The following RABGAP1L variants were observed in gnomAD, a reference collection of about 807,000 sequenced individuals.
RABGAP1L encodes the protein RAB GTPase activating protein 1 like.
A neutral mutation model predicts 137.7 loss-of-function variants in RABGAP1L; 63 were observed. The ratio of observed to expected loss-of-function variants is 0.46; its 90% confidence interval spans 0.37 to 0.56. The LOEUF (loss-of-function observed/expected upper bound fraction) is 0.56, where lower values mean the gene tolerates loss of function less well. Among genes scored for constraint, RABGAP1L ranks in the 20% least tolerant of loss-of-function variants. The pLI, the probability that RABGAP1L is intolerant of heterozygous loss-of-function variation, is 0.00. For missense variants in RABGAP1L, 1,095 were observed against 1,244.0 expected (o/e 0.88, Z 1.80); for synonymous variants, 431 against 433.7 (o/e 0.99, Z 0.08).
At chr1:174,624,544 G>T (rs1162375625) in intron 13 of RABGAP1L, among the ~76,000 whole-genome samples, 5 of 152,014 alleles carry the variant, frequency 3.3e-5, no homozygotes, top group African/African-American at 1.2e-4. Context: ...TTGCAAGTAG[G>T]AGTATATTAT....
rs190307303 is a variant in RABGAP1L at position 174,931,378 on chromosome 1, A to G, written c.2341-26079A>G. Among the ~76,000 whole-genome samples, 430 of 152,276 alleles carry G rather than the reference A, an allele frequency of 2.8e-3. 4 individuals carry two copies. Among genetic ancestry groups the G allele is most frequent in the African/African-American group, 9.9e-3 (412 of 41,572 alleles). On this transcript the variant is annotated intron_variant, in intron 19 of 25. Transcript: ENST00000681986. Reference sequence around the variant, plus strand: ...GGGAAGTCATTCCTTATGACTTCCAATAGATAATGCTTTGTTTCACTGATC... The same window carrying G: ...GGGAAGTCATTCCTTATGACTTCCAGTAGATAATGCTTTGTTTCACTGATC...
chr1:174,319,674 GTTGTAGGTCT>G (rs1679762290), intron 11 of RABGAP1L, among the ~76,000 whole-genome samples: 1 of 152,138 alleles, frequency 6.6e-6, no homozygotes, highest in African/African-American at 2.4e-5. Context: ...GAAGATGTTA[GTTGTAGGTCT>G]TTGTAGGTGT....
intron 19 of RABGAP1L, among the ~76,000 whole-genome samples, chr1:174,923,858 G>T (rs1662223060): frequency 6.7e-6 from 1 of 148,296 alleles, no homozygotes; most frequent in South Asian, 2.1e-4. Flanking sequence ...TCCAGCCTGG[G>T]CGACTGAGCG....
At chr1:174,470,612 C>T (rs1431477526) in intron 13 of RABGAP1L, among the ~76,000 whole-genome samples, 1 of 151,890 alleles carries the variant, frequency 6.6e-6, no homozygotes, top group African/African-American at 2.4e-5. Context: ...ACTAAAAGTA[C>T]AAAAATTAGC....
chr1:174,948,544 G>A (rs1363607371), intron 19 of RABGAP1L, among the ~76,000 whole-genome samples: 1 of 147,486 alleles, frequency 6.8e-6, no homozygotes, highest in African/African-American at 2.6e-5. Flanking sequence ...GAGTGTAACT[G>A]GATTCTTTGT....
chr1:174,195,731 T>TTTTCTTACTTTC (rs1667597721), intron 1 of RABGAP1L, among the ~76,000 whole-genome samples: 5 of 85,150 alleles, frequency 5.9e-5, no homozygotes, highest in Non-Finnish European at 1.2e-4. Flanking sequence ...CTTTTCTTTC[T>TTTTCTTACTTTC]TTTCTTTCTT....
At position 174,949,859 on chromosome 1, in the gene RABGAP1L, T is replaced by C. The variant is rs537772124; in HGVS notation, c.2341-7598T>C. 1.5e-3 allele frequency among the ~76,000 whole-genome samples: 226 copies of C among 152,348 alleles called. 2 individuals carry two copies. Among genetic ancestry groups the C allele is most frequent in the Middle Eastern group, 3.4e-3 (1 of 294 alleles). On this transcript the variant is annotated intron_variant, in intron 19 of 25. Coordinates refer to ENST00000681986, the MANE Select transcript of RABGAP1L (RefSeq NM_001366446.1). ...GAACAGGTAAGCAGATTCTATAAAA[T>C]GCAAGTCTCCCAAAATTGCTACAGC... is the stretch of plus-strand genomic sequence containing the variant.
intron 1 of RABGAP1L, among the ~76,000 whole-genome samples, chr1:174,198,968 C>T (rs887438367): frequency 6.6e-6 from 1 of 152,184 alleles, no homozygotes; most frequent in East Asian, 1.9e-4. Context: ...ATTAGCCGGG[C>T]GTGGTGGCGC....
intron 1 of RABGAP1L, among the ~76,000 whole-genome samples, chr1:174,171,186 C>T (rs1366763400): frequency 1.3e-5 from 2 of 152,084 alleles, no homozygotes; most frequent in African/African-American, 4.8e-5. Context: ...ATCTATGAGT[C>T]TTTGTTATGG....
chr1:174,496,088 G>A (rs1311719682), intron 13 of RABGAP1L, among the ~76,000 whole-genome samples: 3 of 151,776 alleles, frequency 2.0e-5, no homozygotes, highest in East Asian at 3.9e-4. Context: ...GAAAGTTTAG[G>A]GTTTTTTCCT....
At chr1:174,389,743 G>A (rs1370840393) in intron 12 of RABGAP1L, among the ~76,000 whole-genome samples, 1 of 152,006 alleles carries the variant, frequency 6.6e-6, no homozygotes, top group African/African-American at 2.4e-5. Context: ...TATATGTGGG[G>A]CACTGTTTCT....
At chr1:174,613,588 C>A (rs187130662) in intron 13 of RABGAP1L, among the ~76,000 whole-genome samples, 3,434 of 152,200 alleles carry the variant, frequency 0.023, 62 homozygotes, top group Middle Eastern at 0.085. Flanking sequence ...TGGTGCAGAG[C>A]TGAGTTCAAT....
At chr1:174,503,360 A>C (rs903667195) in intron 13 of RABGAP1L, among the ~76,000 whole-genome samples, 2 of 152,190 alleles carry the variant, frequency 1.3e-5, no homozygotes, top group African/African-American at 2.4e-5. Flanking sequence ...GCAGTTCATC[A>C]TTTAGAAATA....
chr1:174,861,691 C>T (rs553316523), intron 19 of RABGAP1L, among the ~76,000 whole-genome samples: 191 of 151,938 alleles, frequency 1.3e-3, no homozygotes, highest in Non-Finnish European at 2.0e-3. Flanking sequence ...TTTGTATTTC[C>T]CTAATGATTA....
chr1:174,956,263 G>A (rs1220467131), intron 19 of RABGAP1L, among the ~76,000 whole-genome samples: 2 of 151,962 alleles, frequency 1.3e-5, no homozygotes, highest in Non-Finnish European at 2.9e-5. Flanking sequence ...GTAAGTGGCC[G>A]TCATAGTGCA....
chr1:174,202,369 T>A (rs976697514), intron 1 of RABGAP1L, among the ~76,000 whole-genome samples: 3 of 152,230 alleles, frequency 2.0e-5, no homozygotes, highest in Non-Finnish European at 2.9e-5. Flanking sequence ...GGTATCTCAT[T>A]GTGGTTTTGA....
chr1:174,562,176 C>CA (rs1319883938), intron 13 of RABGAP1L, among the ~76,000 whole-genome samples: 2 of 152,118 alleles, frequency 1.3e-5, no homozygotes, highest in Non-Finnish European at 2.9e-5. Context: ...ACAATCCCAT[C>CA]AAAAAGTGGG....
At chr1:174,333,702 C>A (rs1386190958) in intron 11 of RABGAP1L, among the ~76,000 whole-genome samples, 5 of 152,208 alleles carry the variant, frequency 3.3e-5, no homozygotes, top group Non-Finnish European at 7.3e-5. Flanking sequence ...ATTTTCACCA[C>A]TGACTTACTA....
At chr1:174,605,678 A>G (rs1242766489) in intron 13 of RABGAP1L, among the ~76,000 whole-genome samples, 3 of 152,236 alleles carry the variant, frequency 2.0e-5, no homozygotes, top group East Asian at 1.9e-4. Context: ...AGTCAGATCT[A>G]TATAAGCTGA....
Sources: gnomAD v4.1 joint callset for allele counts (sites outside exome capture counted in the v4.1 genomes callset) on GRCh38, gnomAD v4.1.1 for gene constraint, MANE v1.5 for transcripts, NCBI Gene and HGNC (gene_info 2026-07-23, HGNC 2026-07-21) for gene names.